CASD1: variants seen among roughly 807,000 people sequenced by gnomAD.
The protein encoded by CASD1 is N-acetylneuraminate (7)9-O-acetyltransferase.
CASD1 carries 41 observed loss-of-function variants against 100.0 expected under a neutral mutation model. The observed-to-expected ratio is 0.41, with a 90% CI of 0.32 to 0.53. The LOEUF is 0.53. Ranked by LOEUF, CASD1 falls within the 20% of genes least tolerant of loss-of-function variation. CASD1 has a pLI of 0.25. For missense variants in CASD1, 774 were observed against 948.7 expected (o/e 0.82, Z 2.42); for synonymous variants, 321 against 315.6 (o/e 1.02, Z -0.18).
chr7:94,588,806 T>C, the CASD1 span: 3 of 1,584,378 alleles, frequency 1.9e-6, no homozygotes, highest in Non-Finnish European at 2.6e-6. Context: ...CATACTAGAA[T>C]GAAAAACTTT....
At chr7:94,517,790 A>C in intron 2 of CASD1, 134 bp downstream of exon 2, 1 of 552,576 alleles carries the variant, frequency 1.8e-6, no homozygotes, top group Non-Finnish European at 3.1e-6. Flanking sequence ...GGCTGATTGC[A>C]AATGAAGATT....
the CASD1 span, chr7:94,598,451 A>G: frequency 1.0e-4 from 28 of 278,436 alleles, no homozygotes; most frequent in South Asian, 1.2e-3. Context: ...TCAATTTGAA[A>G]TGCTTAGGAT....
intron 9 of CASD1, 39 bp downstream of exon 9, chr7:94,537,933 T>C (rs1050556329): frequency 2.7e-6 from 3 of 1,122,140 alleles, no homozygotes; most frequent in Non-Finnish European, 3.9e-6. Context: ...TTACCCTTCT[T>C]GTCTCATTAC....
the CASD1 span, among the ~76,000 whole-genome samples, chr7:94,630,686 G>A: frequency 1.7e-4 from 26 of 151,782 alleles, no homozygotes; most frequent in Admixed American, 1.1e-3. Flanking sequence ...CATTATTGCC[G>A]TTACTCTTGT....
chr7:94,593,302 T>G, the CASD1 span, among the ~76,000 whole-genome samples: 17 of 152,060 alleles, frequency 1.1e-4, no homozygotes, highest in East Asian at 2.9e-3. Flanking sequence ...ATAAGGAAAA[T>G]TTTTGTGTAG....
intron 1 of CASD1, 143 bp downstream of exon 1, chr7:94,510,360 C>T (rs1584364165): frequency 1.8e-6 from 1 of 566,998 alleles, no homozygotes; most frequent in Admixed American, 4.5e-5. Context: ...CCCAGGTGTC[C>T]CCAGCAGCGG....
At chr7:94,575,157 CT>C in the CASD1 span, among the ~76,000 whole-genome samples, 1 of 152,144 alleles carries the variant, frequency 6.6e-6, no homozygotes, top group Non-Finnish European at 1.5e-5. Context: ...AATTTAAGAT[CT>C]TCCCAACTTT....
At chr7:94,605,722 C>G in the CASD1 span, among the ~76,000 whole-genome samples, 1 of 151,182 alleles carries the variant, frequency 6.6e-6, no homozygotes, top group African/African-American at 2.4e-5. Context: ...AAAAAATGCT[C>G]AATGAAAACT....
intron 1 of CASD1, among the ~76,000 whole-genome samples, chr7:94,513,107 C>T (rs866511419): frequency 1.4e-4 from 21 of 152,148 alleles, no homozygotes; most frequent in African/African-American, 4.6e-4. Flanking sequence ...GAGGCTGAGG[C>T]GGGTGGATCA....
chr7:94,580,069 A>G, the CASD1 span, among the ~76,000 whole-genome samples: 1 of 152,136 alleles, frequency 6.6e-6, no homozygotes, highest in South Asian at 2.1e-4. Context: ...TCCCACCACT[A>G]TCCGAGTCAA....
chr7:94,626,149 G>A, the CASD1 span: 4 of 151,960 alleles, frequency 2.6e-5, no homozygotes, highest in East Asian at 1.9e-4. Flanking sequence ...TTATTAAATT[G>A]CAGGATTTCG....
intron 13 of CASD1, among the ~76,000 whole-genome samples, chr7:94,547,717 A>G (rs899854759): frequency 2.0e-5 from 3 of 151,736 alleles, no homozygotes; most frequent in African/African-American, 7.3e-5. Flanking sequence ...TGTTATTTTA[A>G]CAGGATGGCA....
intron 5 of CASD1, among the ~76,000 whole-genome samples, chr7:94,528,702 G>A (rs1794699361): frequency 6.6e-6 from 1 of 151,932 alleles, no homozygotes; most frequent in Non-Finnish European, 1.5e-5. Flanking sequence ...AGACTAATAT[G>A]TTTTAGCTCA....
chr7:94,518,395 G>C (rs1584377922), intron 3 of CASD1, 72 bp downstream of exon 3: 1 of 1,329,706 alleles, frequency 7.5e-7, no homozygotes, highest in South Asian at 1.5e-5. Context: ...GGAGGAGTGT[G>C]TCTCTCCAGA....
intron 5 of CASD1, among the ~76,000 whole-genome samples, chr7:94,530,381 G>A (rs541476613): frequency 1.4e-3 from 210 of 152,214 alleles, no homozygotes; most frequent in Non-Finnish European, 2.2e-3. Context: ...TTCTTTTCAC[G>A]TGCTTCGTTT....
chr7:94,545,572 GT>G lies in CASD1; in HGVS notation c.1505del (p.Val502GlyfsTer5). On this transcript the variant is annotated frameshift_variant, in exon 12 of 18. Coordinates refer to ENST00000297273, the MANE Select transcript of CASD1 (RefSeq NM_022900.5). LOFTEE classifies it high-confidence loss of function. ...QVLFRLNFLV[V>X]VLCIVMDRPY... ...TTTATTTCGTCTCAATTTCCTGGTA[GT>G]GGTGTTATGTATAGTAATGGATCGA... is the stretch of plus-strand genomic sequence containing the variant. 1 of 1,604,668 alleles carries G rather than the reference GT, an allele frequency of 6.2e-7. No homozygotes were observed. Among genetic ancestry groups the G allele is most frequent in the East Asian group, 2.2e-5 (1 of 44,706 alleles).
At chr7:94,606,564 A>C in the CASD1 span, among the ~76,000 whole-genome samples, 1 of 152,222 alleles carries the variant, frequency 6.6e-6, no homozygotes. Flanking sequence ...AGAAATGGAC[A>C]CAACCAGCAG....
chr7:94,516,244 A>G (rs1435503340), intron 1 of CASD1, among the ~76,000 whole-genome samples: 1 of 152,156 alleles, frequency 6.6e-6, no homozygotes, highest in Non-Finnish European at 1.5e-5. Flanking sequence ...CATCAATAAG[A>G]TAATGCAACA....
At chr7:94,552,767 T>A (rs914487830) in intron 16 of CASD1, among the ~76,000 whole-genome samples, 1 of 152,118 alleles carries the variant, frequency 6.6e-6, no homozygotes, top group Non-Finnish European at 1.5e-5. Flanking sequence ...TGAAACCCTG[T>A]CTCTACTAAA....
Sources: gnomAD v4.1 joint callset for allele counts (sites outside exome capture counted in the v4.1 genomes callset) on GRCh38, gnomAD v4.1.1 for gene constraint, MANE v1.5 for transcripts, NCBI Gene and HGNC (gene_info 2026-07-23, HGNC 2026-07-21) for gene names.